RABL3: variants seen among roughly 807,000 people sequenced by gnomAD.
RABL3 encodes the protein rab-like protein 3.
Under a neutral mutation model 31.8 loss-of-function variants are expected in RABL3, and 31 were observed. The ratio of observed to expected loss-of-function variants is 0.97; its 90% CI spans 0.73 to 1.31. The LOEUF (loss-of-function observed/expected upper bound fraction) is 1.31. Ranked by LOEUF, RABL3 falls within the 40% of genes most tolerant of loss-of-function variation. The pLI is 0.00. For synonymous variants in RABL3, 97 were observed against 99.9 expected (o/e 0.97, Z 0.18); for missense variants, 263 against 279.6 (o/e 0.94, Z 0.42).
At chr3:120,728,709 A>G (rs988249958) in intron 2 of RABL3, among the ~76,000 whole-genome samples, 1 of 152,152 alleles carries the variant, frequency 6.6e-6, no homozygotes, top group Non-Finnish European at 1.5e-5. Context: ...TAATAATAAT[A>G]AACAAAAAAG....
At position 120,687,374 on chromosome 3, in the gene RABL3, C is replaced by T. The variant is rs1708323092; in HGVS notation, c.*2449G>A. ...CATGAATCACTGCAGCCTCAAACTC[C>T]CGAGCTCAAGTGATCCTCCTGCCTC... is the stretch of plus-strand genomic sequence containing the variant. On this transcript the variant is annotated 3_prime_UTR_variant, in exon 8 of 8. Coordinates refer to ENST00000273375, the MANE Select transcript of RABL3 (RefSeq NM_173825.5). 6.6e-6 allele frequency: 1 copy of T among 152,198 alleles called. No homozygotes were observed. Among genetic ancestry groups the T allele is most frequent in the African/African-American group, 2.4e-5 (1 of 41,446 alleles). The allele number at this position is 152,198 out of a possible 1,614,324, so 9.4% of individuals were successfully genotyped here.
chr3:120,737,343 G>A (rs989202865), intron 1 of RABL3, among the ~76,000 whole-genome samples: 31 of 152,126 alleles, frequency 2.0e-4, no homozygotes, highest in Non-Finnish European at 3.7e-4. Flanking sequence ...GCATCATCAC[G>A]TAGTTCTTGT....
Position 120,716,340 on chromosome 3 carries a change from T to C in RABL3, c.139-6431A>G, listed in dbSNP as rs752514607. 4.8e-4 allele frequency among the ~76,000 whole-genome samples: 73 copies of C among 152,242 alleles called. 1 individual carries two copies. Among genetic ancestry groups the C allele is most frequent in the Middle Eastern group, 3.2e-3 (1 of 316 alleles). On this transcript the variant is annotated intron_variant, in intron 2 of 7. Transcript: ENST00000273375. ...TACCACAAAATTAAACTTTTCTTCCTTTTCTTTTCAATTCAGTTATGAACA... is the reference window on the plus strand; with the variant it reads ...TACCACAAAATTAAACTTTTCTTCCCTTTCTTTTCAATTCAGTTATGAACA...
chr3:120,718,331 A>G (rs1033833324), intron 2 of RABL3, among the ~76,000 whole-genome samples: 1 of 152,210 alleles, frequency 6.6e-6, no homozygotes, highest in Non-Finnish European at 1.5e-5. Flanking sequence ...CTTCTAGTGC[A>G]TTACTCCTCT....
intron 2 of RABL3, among the ~76,000 whole-genome samples, chr3:120,720,844 G>A (rs1165839118): frequency 6.6e-6 from 1 of 152,172 alleles, no homozygotes; most frequent in Non-Finnish European, 1.5e-5. Context: ...ACGCCACAAA[G>A]AGACTCCTCG....
intron 3 of RABL3, among the ~76,000 whole-genome samples, chr3:120,708,680 TTCA>T (rs755233505): frequency 1.3e-5 from 2 of 152,032 alleles, no homozygotes; most frequent in African/African-American, 2.4e-5. Flanking sequence ...ATGCATTCTA[TTCA>T]TATATACCAT....
In RABL3 at chr3:120,730,770, A is replaced by C. The variant is rs770058865; in HGVS notation, c.64T>G (p.Leu22Val). 6.2e-7 allele frequency: 1 copy of C among 1,613,312 alleles called. No individual in the cohort carries two copies. Among genetic ancestry groups the C allele is most frequent in the Non-Finnish European group, 8.5e-7 (1 of 1,179,306 alleles). Residue 22 changes from leucine to valine, a missense_variant, in exon 2 of 8, where the codon TTA becomes GTA. Transcript: ENST00000273375. ...TGATTTTGGCATAGGAGATGGACTA[A>C]CGAAGATTTCCCAACACCTGTAAGA... is the stretch of plus-strand genomic sequence containing the variant. ...LGDSGVGKSS[L>V]VHLLCQNQVL... is the part of the protein sequence containing the mutation.
chr3:120,707,176 T>A (rs1303164812), intron 3 of RABL3, among the ~76,000 whole-genome samples: 1 of 152,174 alleles, frequency 6.6e-6, no homozygotes, highest in East Asian at 1.9e-4. Context: ...TCTACAGTTT[T>A]TATAGCCATC....
intron 2 of RABL3, among the ~76,000 whole-genome samples, chr3:120,717,521 T>G (rs1576339983): frequency 6.6e-6 from 1 of 152,104 alleles, no homozygotes; most frequent in Non-Finnish European, 1.5e-5. Context: ...CAGGCTGGAG[T>G]GCAGTGGCCT....
intron 1 of RABL3, among the ~76,000 whole-genome samples, chr3:120,737,473 G>C (rs777214695): frequency 6.6e-6 from 1 of 152,134 alleles, no homozygotes; most frequent in Admixed American, 6.5e-5. Flanking sequence ...TTTGAACTTC[G>C]TCCTTTAGCT....
At chr3:120,720,876 A>G (rs1576341618) in intron 2 of RABL3, among the ~76,000 whole-genome samples, 1 of 152,198 alleles carries the variant, frequency 6.6e-6, no homozygotes, top group East Asian at 1.9e-4. Context: ...TCCAAGACAC[A>G]TAATTGTCAG....
intron 4 of RABL3, among the ~76,000 whole-genome samples, chr3:120,699,551 T>C (rs1708473196): frequency 6.6e-6 from 1 of 152,204 alleles, no homozygotes; most frequent in Non-Finnish European, 1.5e-5. Context: ...AATCTGGTTG[T>C]GCACAATTTA....
At chr3:120,696,470 C>G (rs188967387) in intron 5 of RABL3, among the ~76,000 whole-genome samples, 1 of 152,086 alleles carries the variant, frequency 6.6e-6, no homozygotes, top group Admixed American at 6.6e-5. Flanking sequence ...CTGATAAAGG[C>G]CAAAAACATG....
intron 2 of RABL3, among the ~76,000 whole-genome samples, chr3:120,729,965 TA>T (rs202163320): frequency 1.1e-4 from 17 of 150,892 alleles, no homozygotes; most frequent in Admixed American, 4.6e-4. Context: ...TATCAAAGAT[TA>T]AAAAAAAACA....
chr3:120,704,497 C>T (rs1170704379), intron 4 of RABL3, among the ~76,000 whole-genome samples: 2 of 152,124 alleles, frequency 1.3e-5, no homozygotes, highest in Non-Finnish European at 2.9e-5. Context: ...TGCTTTCCCC[C>T]TAAGATTGGA....
intron 4 of RABL3, 145 bp from the exon 5 acceptor site, chr3:120,698,718 C>T: frequency 1.5e-6 from 1 of 668,484 alleles, no homozygotes; most frequent in Admixed American, 2.6e-5. Flanking sequence ...TTCCTTCCAA[C>T]TTCTTCCATC....
chr3:120,709,079 T>A (rs1031931725), intron 3 of RABL3, among the ~76,000 whole-genome samples: 4 of 152,200 alleles, frequency 2.6e-5, no homozygotes, highest in East Asian at 1.9e-4. Context: ...CTTTGGTATA[T>A]TAATCAAACA....
At chr3:120,695,157 T>C (rs980274583) in intron 5 of RABL3, among the ~76,000 whole-genome samples, 2 of 152,122 alleles carry the variant, frequency 1.3e-5, no homozygotes, top group African/African-American at 2.4e-5. Context: ...ATTACATTTA[T>C]TCTGTTTTTG....
At chr3:120,737,619 C>T (rs2107599319) in intron 1 of RABL3, among the ~76,000 whole-genome samples, 1 of 152,318 alleles carries the variant, frequency 6.6e-6, no homozygotes, top group South Asian at 2.1e-4. Flanking sequence ...GACTTTTCAG[C>T]TTTTCTGCTC....
Sources: gnomAD v4.1 joint callset for allele counts (sites outside exome capture counted in the v4.1 genomes callset) on GRCh38, gnomAD v4.1.1 for gene constraint, MANE v1.5 for transcripts, NCBI Gene and HGNC (gene_info 2026-07-23, HGNC 2026-07-21) for gene names.